C22orf42: variants seen among roughly 807,000 people sequenced by gnomAD.
The protein encoded by C22orf42 is uncharacterized protein C22orf42.
Under a neutral mutation model 31.4 loss-of-function variants are expected in C22orf42, and 24 were observed. The observed-to-expected ratio is 0.77, with a 90% confidence interval of 0.55 to 1.08. The LOEUF (loss-of-function observed/expected upper bound fraction) is 1.08, where lower values mean the gene tolerates loss of function less well. Among genes scored for constraint, C22orf42 ranks in the 50% least tolerant of loss-of-function variants. The pLI is 0.00. For missense variants in C22orf42, 276 were observed against 327.3 expected (o/e 0.84, Z 1.21); for synonymous variants, 96 against 112.7 (o/e 0.85, Z 0.94).
chr22:32,152,682 G>A (rs1231622394), intron 2 of C22orf42, 56 bp from the exon 3 acceptor site: 103 of 1,544,638 alleles, frequency 6.7e-5, no homozygotes, highest in Non-Finnish European at 8.6e-5. Context: ...AATCCCACAA[G>A]GAGCCCTGGG....
intron 2 of C22orf42, among the ~76,000 whole-genome samples, chr22:32,153,902 A>G (rs538066052): frequency 6.6e-6 from 1 of 151,418 alleles, no homozygotes; most frequent in Non-Finnish European, 1.5e-5. Context: ...CACGTGCCTT[A>G]TGGCCAGCTA....
rs1162939728 is a variant in C22orf42, at chr22:32,159,208, C to T, written c.8G>A (p.Ser3Asn). The T allele has an allele frequency of 1.9e-6, 3 of 1,613,260 alleles. No homozygotes were observed. The highest frequency in any genetic ancestry group is 1.3e-5 in the African/African-American group (1 of 75,052). The change falls in exon 1 of 9, where the codon AGC becomes AAC. Residue 3 changes from serine (S) to asparagine (N), a missense_variant. Transcript: ENST00000382097. MG[S>N]KLTCCLGPSG... ...GGGGCCCAGGCAGCAAGTCAGTTTG[C>T]TCCCCATTGGGCACCTAAACACACA...
upstream of C22orf42, chr22:32,159,399 T>C: frequency 7.0e-7 from 1 of 1,427,022 alleles, no homozygotes. Context: ...TGGCTCACAA[T>C]GGCCGACCCC....
intron 1 of C22orf42, among the ~76,000 whole-genome samples, chr22:32,154,926 G>A (rs1296173359): frequency 6.6e-6 from 1 of 152,190 alleles, no homozygotes; most frequent in South Asian, 2.1e-4. Context: ...CTGTTTCCAT[G>A]GGCATGATGC....
chr22:32,152,728 C>A, intron 2 of C22orf42, 102 bp from the exon 3 acceptor site: 2 of 1,135,580 alleles, frequency 1.8e-6, no homozygotes, highest in East Asian at 2.4e-5. Context: ...TGGAGGTGGG[C>A]GGTTGACAGG....
chr22:32,150,137 T>C (rs1180242692), intron 7 of C22orf42, among the ~76,000 whole-genome samples, 182 bp downstream of exon 7: 1 of 152,174 alleles, frequency 6.6e-6, no homozygotes, highest in Admixed American at 6.5e-5. Flanking sequence ...GGGTCCATGA[T>C]CCACTAAGAC....
At chr22:32,158,941 C>T in intron 1 of C22orf42, 43 bp downstream of exon 1, 1 of 1,610,130 alleles carries the variant, frequency 6.2e-7, no homozygotes, top group Non-Finnish European at 8.5e-7. Flanking sequence ...CGGTGGTGGC[C>T]AGAGAGATGC....
At position 32,159,071 on chromosome 22, in the gene C22orf42, C is replaced by T; in HGVS notation, c.145G>A (p.Ala49Thr). The T allele has an allele frequency of 6.2e-7, 1 of 1,614,176 alleles. No homozygotes were observed. The highest frequency in any genetic ancestry group is 1.7e-5 in the Admixed American group (1 of 60,024). The change falls in exon 1 of 9, where the codon GCC becomes ACC. Residue 49 changes from alanine to threonine, a missense_variant. Transcript: ENST00000382097. ...TTCTTAGCTTTCAAATCCAATTTGG[C>T]AGGCTTTGCAGTGGTGGATGCTGGT... is the stretch of plus-strand genomic sequence containing the variant. ...TAPASTTAKP[A>T]KLDLKAKKAQ...
intron 1 of C22orf42, among the ~76,000 whole-genome samples, chr22:32,155,052 G>A (rs923594746): frequency 2.6e-5 from 4 of 152,162 alleles, no homozygotes; most frequent in African/African-American, 9.6e-5. Context: ...AAACTTAGAC[G>A]TTTTGAGTGA....
intron 1 of C22orf42, among the ~76,000 whole-genome samples, chr22:32,155,884 A>C (rs1433902923): frequency 6.6e-6 from 1 of 152,114 alleles, no homozygotes; most frequent in Admixed American, 6.5e-5. Context: ...AATGTTTTAA[A>C]AATTAGCCAG....
chr22:32,151,013 A>G lies in C22orf42; in HGVS notation c.472T>C (p.Ser158Pro), dbSNP rs201521774. 26 of 1,612,540 alleles carry G rather than the reference A, an allele frequency of 1.6e-5. No individual in the cohort carries two copies. Among genetic ancestry groups the G allele is most frequent in the African/African-American group, 1.2e-4 (9 of 74,744 alleles). ...EENITSDIEI[S>P]EAKHDHHLVE... ...GTACGGTGGTCGTGCTTGGCCTCAG[A>G]TATTTCCTGCAGTAAGAGAAAAGAA... Residue 158 changes from serine to proline, a missense_variant, in exon 6 of 9, where the codon TCT becomes CCT. Transcript: ENST00000382097.
At chr22:32,149,995 A>G in intron 7 of C22orf42, 1 of 478,808 alleles carries the variant, frequency 2.1e-6, no homozygotes. Context: ...ACACAAAATT[A>G]TTTTTCAAGA....
At position 32,159,041 on chromosome 22, in the gene C22orf42, G is replaced by A; in HGVS notation, c.175C>T (p.Gln59Ter). 8 of 1,614,190 alleles carry A rather than the reference G, an allele frequency of 5.0e-6. No homozygotes were observed. Among genetic ancestry groups the A allele is most frequent in the Non-Finnish European group, 2.5e-6 (3 of 1,180,034 alleles). ...AKLDLKAKKA[Q>*]LMQYLSLPKT... ...GGGAGGCTGAGGTACTGCATGAGTT[G>A]GGCCTTCTTAGCTTTCAAATCCAAT... The change falls in exon 1 of 9, where the codon CAA (glutamine) becomes TAA (stop). Residue 59 changes from glutamine (Q) to a stop codon, truncating the protein, a stop_gained. Coordinates refer to ENST00000382097, the MANE Select transcript of C22orf42 (RefSeq NM_001010859.3). LOFTEE classifies it high-confidence loss of function.
At chr22:32,154,144 C>T (rs1921131525) in intron 2 of C22orf42, 100 bp downstream of exon 2, 14 of 1,030,374 alleles carry the variant, frequency 1.4e-5, no homozygotes, top group Admixed American at 7.5e-5. Flanking sequence ...AAATGAAGAA[C>T]ATGACATAGC....
rs114579972 is a variant in C22orf42, at chr22:32,151,536, A to T, written c.416T>A (p.Val139Glu). Residue 139 changes from valine to glutamate, a missense_variant, in exon 5 of 9, where the codon GTG becomes GAG. Val to Glu is a moderately radical substitution (Grantham distance 121, BLOSUM62 -2). Coordinates refer to ENST00000382097, the MANE Select transcript of C22orf42 (RefSeq NM_001010859.3). Reference sequence around the variant, plus strand: ...CACACCGCCGTGTGCAGACACCTGCACATCTTCAGTGGGACCTAGGAGAAC... The same window carrying T: ...CACACCGCCGTGTGCAGACACCTGCTCATCTTCAGTGGGACCTAGGAGAAC... ...AKHDHRPTED[V>E]QVSAHGGVEE... is the part of the protein sequence containing the mutation. 1,893 of 1,613,834 alleles carry T rather than the reference A, an allele frequency of 1.2e-3. 25 individuals carry two copies. The African/African-American group carries it at 0.023, about 20-fold the overall frequency.
In C22orf42 at chr22:32,152,638, C is replaced by T. The variant is rs762501386; in HGVS notation, c.308-12G>A. 1.3e-5 allele frequency: 21 copies of T among 1,613,296 alleles called. No homozygotes were observed. The African/African-American group carries it at 2.7e-4, about 21-fold the overall frequency. ...ATCTTCAGTGGGACCTAGGAGAACA[C>T]AGAGTGACAGTCAGTGCATTGGTGC... On this transcript the variant is annotated splice_polypyrimidine_tract_variant and intron_variant, in intron 2 of 8. Coordinates refer to ENST00000382097, the MANE Select transcript of C22orf42 (RefSeq NM_001010859.3).
intron 7 of C22orf42, among the ~76,000 whole-genome samples, 153 bp downstream of exon 7, chr22:32,150,166 C>A (rs1169996868): frequency 1.3e-5 from 2 of 152,004 alleles, no homozygotes; most frequent in Admixed American, 1.3e-4. Flanking sequence ...CGATGGCAAT[C>A]GAATATGATA....
intron 1 of C22orf42, among the ~76,000 whole-genome samples, chr22:32,154,904 A>G (rs1226694383): frequency 6.6e-6 from 1 of 152,214 alleles, no homozygotes; most frequent in Admixed American, 6.5e-5. Context: ...GGGAGGGTGG[A>G]AGGTGACTTC....
chr22:32,153,639 A>C (rs927985471), intron 2 of C22orf42, among the ~76,000 whole-genome samples: 1 of 152,248 alleles, frequency 6.6e-6, no homozygotes, highest in African/African-American at 2.4e-5. Context: ...AAATTCTTAC[A>C]AAGAAAAATG....
Sources: allele counts gnomAD v4.1 joint callset (sites outside exome capture counted in the v4.1 genomes callset), GRCh38; gene constraint gnomAD v4.1.1; transcripts MANE v1.5; gene names NCBI Gene and HGNC (gene_info 2026-07-23, HGNC 2026-07-21).